Variants in SGCD observed in about 807,000 individuals in gnomAD.
The protein encoded by SGCD is sarcoglycan delta, also known as delta-sarcoglycan.
Under a neutral mutation model 36.6 loss-of-function variants are expected in SGCD, and 18 were observed. The observed-to-expected ratio is 0.49, with a 90% confidence interval of 0.34 to 0.73. The LOEUF is 0.73. Among genes scored for constraint, SGCD ranks in the 30% least tolerant of loss-of-function variants. SGCD has a pLI of 0.01. For synonymous variants in SGCD, 133 were observed against 130.6 expected, an observed-to-expected ratio of 1.02 and a Z score of -0.12; for missense variants, 387 against 346.7, an observed-to-expected ratio of 1.12 and a Z score of -0.92.
chr5:156,158,377 A>T (rs1277281187), intron 3 of SGCD, among the ~76,000 whole-genome samples: 1 of 151,490 alleles, frequency 6.6e-6, no homozygotes, highest in African/African-American at 2.4e-5. Context: ...TTTCCATTTT[A>T]CCGGTTAAGA....
intron 3 of SGCD, among the ~76,000 whole-genome samples, chr5:156,409,061 G>A (rs935978893): frequency 6.6e-6 from 1 of 152,076 alleles, no homozygotes; most frequent in Non-Finnish European, 1.5e-5. Flanking sequence ...TATACTTAAC[G>A]CTTCTTCATT....
At chr5:155,941,701 G>A (rs1335709796) in intron 1 of SGCD, among the ~76,000 whole-genome samples, 1 of 151,828 alleles carries the variant, frequency 6.6e-6, no homozygotes. Context: ...TATGCTCAAT[G>A]TCTCATACAT....
intron 1 of SGCD, among the ~76,000 whole-genome samples, chr5:155,931,157 A>G (rs1292908557): frequency 1.3e-5 from 2 of 151,992 alleles, no homozygotes; most frequent in Admixed American, 1.3e-4. Flanking sequence ...TTTACCAAAC[A>G]CTAAAGAAAA....
At chr5:156,009,799 A>C (rs1445721156) in intron 1 of SGCD, among the ~76,000 whole-genome samples, 1 of 152,128 alleles carries the variant, frequency 6.6e-6, no homozygotes, top group Non-Finnish European at 1.5e-5. Flanking sequence ...CTCTGACGCC[A>C]CTGAACTTCT....
intron 3 of SGCD, among the ~76,000 whole-genome samples, chr5:156,253,557 G>T (rs947476137): frequency 1.3e-5 from 2 of 152,100 alleles, no homozygotes; most frequent in African/African-American, 4.8e-5. Flanking sequence ...CCTTTAAATT[G>T]TCTATAGAAG....
chr5:156,007,553 G>C (rs758837135), intron 1 of SGCD, among the ~76,000 whole-genome samples: 2 of 152,218 alleles, frequency 1.3e-5, no homozygotes, highest in Non-Finnish European at 2.9e-5. Context: ...CAGTCTGGCT[G>C]AGTAGTGGAA....
At chr5:156,108,248 G>A (rs910929459) in intron 1 of SGCD, among the ~76,000 whole-genome samples, 4 of 152,108 alleles carry the variant, frequency 2.6e-5, no homozygotes, top group African/African-American at 9.6e-5. Flanking sequence ...TAAATTACAC[G>A]ACTTTACTCT....
At chr5:156,361,318 G>A (rs1470213826) in intron 3 of SGCD, among the ~76,000 whole-genome samples, 2 of 152,244 alleles carry the variant, frequency 1.3e-5, no homozygotes, top group Non-Finnish European at 2.9e-5. Flanking sequence ...TGTGATTTTA[G>A]GAGAGAAGCA....
At chr5:156,662,787 AAC>A (rs1262136552) in intron 7 of SGCD, among the ~76,000 whole-genome samples, 1 of 151,420 alleles carries the variant, frequency 6.6e-6, no homozygotes, top group African/African-American at 2.4e-5. Flanking sequence ...CTGAATTACA[AAC>A]ACAGGAGAAT....
intron 1 of SGCD, among the ~76,000 whole-genome samples, chr5:155,947,653 G>T (rs1444682770): frequency 6.6e-6 from 1 of 152,046 alleles, no homozygotes; most frequent in Non-Finnish European, 1.5e-5. Flanking sequence ...ACATCCTAAA[G>T]AAGTACTTTT....
chr5:156,464,178 C>T (rs973391841), intron 3 of SGCD, among the ~76,000 whole-genome samples: 18 of 151,314 alleles, frequency 1.2e-4, no homozygotes, highest in Non-Finnish European at 2.4e-4. Context: ...CCAAATCACA[C>T]CACTAGTAAG....
At chr5:156,512,760 C>T (rs1205396297) in intron 4 of SGCD, among the ~76,000 whole-genome samples, 1 of 152,144 alleles carries the variant, frequency 6.6e-6, no homozygotes, top group Non-Finnish European at 1.5e-5. Context: ...ATTTTAATCC[C>T]CCCATCCTGC....
At chr5:156,440,434 T>G (rs1294479894) in intron 3 of SGCD, among the ~76,000 whole-genome samples, 3 of 152,188 alleles carry the variant, frequency 2.0e-5, no homozygotes, top group Admixed American at 2.0e-4. Flanking sequence ...ACAACATTTG[T>G]GTACACATTT....
chr5:156,524,634 T>A (rs1191040764), intron 4 of SGCD, among the ~76,000 whole-genome samples: 1 of 151,934 alleles, frequency 6.6e-6, no homozygotes, highest in Non-Finnish European at 1.5e-5. Flanking sequence ...AAATTTCAGG[T>A]ATATAATACA....
At chr5:156,618,566 A>G (rs116413684) in intron 6 of SGCD, among the ~76,000 whole-genome samples, 2,266 of 149,156 alleles carry the variant, frequency 0.015, 61 homozygotes, top group African/African-American at 0.054. Flanking sequence ...TTGAAATGCT[A>G]CAGGGAGTAC....
At chr5:156,619,745 G>A (rs1239967764) in intron 6 of SGCD, among the ~76,000 whole-genome samples, 1 of 152,104 alleles carries the variant, frequency 6.6e-6, no homozygotes, top group Non-Finnish European at 1.5e-5. Context: ...CACAGAATAG[G>A]GAAGGAAATT....
At chr5:156,677,148 A>T (rs1466977101) in intron 7 of SGCD, among the ~76,000 whole-genome samples, 1 of 152,272 alleles carries the variant, frequency 6.6e-6, no homozygotes, top group Non-Finnish European at 1.5e-5. Flanking sequence ...ATGTTGAAAG[A>T]GCCATCCCAT....
At chr5:156,759,085 C>CA (rs1365734343) in intron 8 of SGCD, 132 bp from the exon 9 acceptor site, 1 of 676,138 alleles carries the variant, frequency 1.5e-6, no homozygotes, top group East Asian at 2.7e-5. Flanking sequence ...TCCCCAGTAC[C>CA]AAAAATAATC....
Position 156,550,916 on chromosome 5 carries a change from C to T in SGCD, c.295-38315C>T, listed in dbSNP as rs535879638. 7.2e-5 allele frequency among the ~76,000 whole-genome samples: 11 copies of T among 152,270 alleles called. No individual in the cohort carries two copies. The South Asian group carries it at 1.9e-3, about 26-fold the overall frequency. The stretch of plus-strand genomic sequence containing the variant: ...AATTGTCACTTTGTTTTTCTGCCTT[C>T]GTAGGTCATCTTGTTGGCTTTCATT... On this transcript the variant is annotated intron_variant, in intron 4 of 8. Transcript: ENST00000337851.
Sources: allele counts gnomAD v4.1 joint callset (sites outside exome capture counted in the v4.1 genomes callset), GRCh38; gene constraint gnomAD v4.1.1; transcripts MANE v1.5; gene names NCBI Gene and HGNC (gene_info 2026-07-23, HGNC 2026-07-21).